Variants in POPDC2 observed in about 807,000 individuals in gnomAD.
POPDC2 encodes popeye domain cAMP effector 2.
A neutral mutation model predicts 30.5 loss-of-function variants in POPDC2; 24 were observed. The observed-to-expected ratio is 0.79, with a 90% CI of 0.57 to 1.11. POPDC2 has a LOEUF of 1.11. Ranked by LOEUF, POPDC2 falls within the 50% of genes least tolerant of loss-of-function variation. POPDC2 has a pLI of 0.00. For synonymous variants in POPDC2, 185 were observed against 183.3 expected, an observed-to-expected ratio of 1.01 and a Z score of -0.07; for missense variants, 409 against 447.0, an observed-to-expected ratio of 0.91 and a Z score of 0.77.
intron 1 of POPDC2, among the ~76,000 whole-genome samples, chr3:119,657,718 G>A (rs2052895343): frequency 6.6e-6 from 1 of 152,198 alleles, no homozygotes; most frequent in South Asian, 2.1e-4. Flanking sequence ...TGTAGATAAT[G>A]TCTAATGATC....
rs369756819 is a variant in POPDC2, at chr3:119,659,884, A to C, written c.491+49T>G. ...GGAAAGGGACACACTAGGAAATGAG[A>C]AGTGTGGGCTGGGGAAAGAAATTCT... On this transcript the variant is annotated intron_variant, in intron 1 of 3. Coordinates refer to ENST00000493094, the MANE Select transcript of POPDC2 (RefSeq NM_001369919.2). The C allele has an allele frequency of 1.2e-4, 184 of 1,523,456 alleles. No individual in the cohort carries two copies. In the African/African-American group the frequency reaches 2.3e-3, roughly 19 times the overall value. 94.4% of individuals were successfully genotyped at this position (1,523,456 alleles called of 1,614,324 possible).
chr3:119,642,611 T>C, intron 3 of POPDC2, 50 bp from the exon 4 acceptor site: 1 of 1,272,542 alleles, frequency 7.9e-7, no homozygotes, highest in Non-Finnish European at 1.1e-6. Flanking sequence ...TCTGGACAGT[T>C]TGTCTAACTT....
At chr3:119,659,258 T>C (rs1249652911) in intron 1 of POPDC2, among the ~76,000 whole-genome samples, 2 of 152,216 alleles carry the variant, frequency 1.3e-5, no homozygotes, top group Admixed American at 1.3e-4. Context: ...ACTTCTCTTC[T>C]CCCATTGTTG....
rs776382058 is a variant in POPDC2, at chr3:119,660,045, T to C, written c.379A>G (p.Lys127Glu). ...LPLQVPLQTY[K>E]EIVHCCEEQV... is the part of the protein sequence containing the mutation. ...TCCTCGCAGCAGTGAACAATCTCCTTGTATGTCTGTAGGGGCACCTGCAAG... is the reference window on the plus strand; with the variant it reads ...TCCTCGCAGCAGTGAACAATCTCCTCGTATGTCTGTAGGGGCACCTGCAAG... Residue 127 changes from lysine to glutamate, a missense_variant, in exon 1 of 4, where the codon AAG becomes GAG. Lys to Glu is a moderately conservative substitution (Grantham distance 56). Coordinates refer to ENST00000493094, the MANE Select transcript of POPDC2 (RefSeq NM_001369919.2). 2.5e-6 allele frequency: 4 copies of C among 1,614,202 alleles called. No homozygotes were observed. Among genetic ancestry groups the C allele is most frequent in the South Asian group, 2.2e-5 (2 of 91,078 alleles).
Position 119,648,602 on chromosome 3 carries a change from G to A in POPDC2, c.667C>T (p.Leu223=). The A allele has an allele frequency of 6.2e-7, 1 of 1,614,192 alleles. No homozygotes were observed. The highest frequency in any genetic ancestry group is 1.1e-5 in the South Asian group (1 of 91,084). ...CAGGAGATGTATCGCTCTTTGGTCA[G>A]AAGAAGATGGAGACTTTTCCGGGGC... The part of the protein sequence containing the change: ...SWPRKSLHLL[L]TKERYISCLF... Residue 223 remains leucine (L), a synonymous_variant, in exon 3 of 4, where the codon CTG becomes TTG. Transcript: ENST00000493094.
chr3:119,648,987 G>A (rs561688239), intron 2 of POPDC2, among the ~76,000 whole-genome samples: 3 of 152,350 alleles, frequency 2.0e-5, no homozygotes, highest in African/African-American at 7.2e-5. Context: ...ACTAATGACT[G>A]CAGAAAGTTC....
At chr3:119,655,487 G>C (rs563243691) in intron 1 of POPDC2, among the ~76,000 whole-genome samples, 2 of 152,282 alleles carry the variant, frequency 1.3e-5, no homozygotes, top group Admixed American at 1.3e-4. Context: ...GATCTAGAAC[G>C]TTTCTGTCAT....
chr3:119,644,028 A>G (rs1003983714), intron 3 of POPDC2, among the ~76,000 whole-genome samples: 2 of 152,154 alleles, frequency 1.3e-5, no homozygotes, highest in Non-Finnish European at 1.5e-5. Flanking sequence ...TCAACTACTT[A>G]TCATGTGATT....
At chr3:119,656,713 T>C (rs1351030288) in intron 1 of POPDC2, among the ~76,000 whole-genome samples, 1 of 152,224 alleles carries the variant, frequency 6.6e-6, no homozygotes, top group Non-Finnish European at 1.5e-5. Flanking sequence ...GAGTTTCATC[T>C]TTAACCTCTC....
At chr3:119,657,731 C>T (rs1300865430) in intron 1 of POPDC2, among the ~76,000 whole-genome samples, 2 of 152,144 alleles carry the variant, frequency 1.3e-5, no homozygotes, top group East Asian at 1.9e-4. Context: ...TAATGATCTT[C>T]GTGGCTCGCT....
intron 1 of POPDC2, among the ~76,000 whole-genome samples, chr3:119,655,288 C>G (rs2052867181): frequency 1.3e-5 from 2 of 152,192 alleles, no homozygotes; most frequent in Non-Finnish European, 2.9e-5. Context: ...GATCACACCA[C>G]TGCACTCCAG....
intron 1 of POPDC2, among the ~76,000 whole-genome samples, chr3:119,656,227 C>A (rs1470099775): frequency 6.6e-6 from 1 of 152,210 alleles, no homozygotes; most frequent in African/African-American, 2.4e-5. Flanking sequence ...GTTTCTAGCA[C>A]TACCTGAGGC....
chr3:119,660,660 C>CG (rs1397124188), upstream of POPDC2: 852 of 296,568 alleles, frequency 2.9e-3, 11 homozygotes, highest in Non-Finnish European at 4.1e-3. Context: ...CCCTCTCCCC[C>CG]CCTCTCTCCT....
In POPDC2 at chr3:119,660,049, T is replaced by C. The variant is rs1282265530; in HGVS notation, c.375A>G (p.Thr125=). 5 of 1,614,118 alleles carry C rather than the reference T, an allele frequency of 3.1e-6. No homozygotes were observed. In the South Asian group the frequency reaches 4.4e-5, roughly 14 times the overall value. The change falls in exon 1 of 4, where the codon ACA becomes ACG. Residue 125 remains threonine (T), a synonymous_variant. Coordinates refer to ENST00000493094, the MANE Select transcript of POPDC2 (RefSeq NM_001369919.2). ...CGCAGCAGTGAACAATCTCCTTGTA[T>C]GTCTGTAGGGGCACCTGCAAGGGCA... ...LCLPLQVPLQ[T]YKEIVHCCEE... is the part of the protein sequence containing the mutation.
Position 119,648,457 on chromosome 3 carries a change from A to C in POPDC2, c.812T>G (p.Leu271Arg). Residue 271 changes from leucine to arginine, a missense_variant, in exon 3 of 4, where the codon CTG (leucine) becomes CGG (arginine). Leu to Arg is a moderately radical substitution (Grantham distance 102). Transcript: ENST00000493094. ...TCCAGCATCTGCAGCAGTGGGACCC[A>C]GGACATGGTAGAGGCTGGGAAGGCG... is the stretch of plus-strand genomic sequence containing the variant. ...DIRLPSLYHV[L>R]GPTAADAGPE... The C allele has an allele frequency of 1.2e-6, 2 of 1,614,216 alleles. No individual in the cohort carries two copies. The highest frequency in any genetic ancestry group is 1.7e-6 in the Non-Finnish European group (2 of 1,180,034).
intron 2 of POPDC2, among the ~76,000 whole-genome samples, chr3:119,652,692 C>T (rs2052826542): frequency 6.6e-6 from 1 of 152,100 alleles, no homozygotes; most frequent in Non-Finnish European, 1.5e-5. Flanking sequence ...TTCTCATGTG[C>T]CTGAGAGAGT....
chr3:119,645,525 T>A (rs1179769349), intron 3 of POPDC2, among the ~76,000 whole-genome samples: 2 of 140,636 alleles, frequency 1.4e-5, no homozygotes, highest in African/African-American at 5.4e-5. Context: ...ATCGCGCCAC[T>A]GCGCTGCAGC....
intron 2 of POPDC2, among the ~76,000 whole-genome samples, chr3:119,653,832 G>A (rs2052845618): frequency 6.6e-6 from 1 of 152,190 alleles, no homozygotes; most frequent in Non-Finnish European, 1.5e-5. Flanking sequence ...TAGAGTCTGG[G>A]AACAGAGAGG....
chr3:119,647,538 T>C (rs2052758907), intron 3 of POPDC2, among the ~76,000 whole-genome samples: 1 of 152,240 alleles, frequency 6.6e-6, no homozygotes, highest in South Asian at 2.1e-4. Flanking sequence ...CATTTAATCA[T>C]AGCAGTATCT....
Sources: gnomAD v4.1 joint callset for allele counts (sites outside exome capture counted in the v4.1 genomes callset) on GRCh38, gnomAD v4.1.1 for gene constraint, MANE v1.5 for transcripts, NCBI Gene and HGNC (gene_info 2026-07-23, HGNC 2026-07-21) for gene names.